The following SAXO3 variants were observed in gnomAD, a reference collection of about 807,000 sequenced individuals.
SAXO3 encodes CTB-60B18.10.
the SAXO3 span, chr19:49,019,757 C>T: frequency 7.4e-6 from 9 of 1,210,132 alleles, no homozygotes; most frequent in East Asian, 1.2e-4. Context: ...GCCCTCGTCT[C>T]GCTGCTCTGG....
At chr19:49,020,305 T>C in the SAXO3 span, 1 of 430,190 alleles carries the variant, frequency 2.3e-6, no homozygotes, top group Admixed American at 4.1e-5. Flanking sequence ...AAGCTCCCAA[T>C]CCGCTTTATT....
the SAXO3 span, chr19:49,018,489 G>C: frequency 2.2e-6 from 1 of 451,712 alleles, no homozygotes. Flanking sequence ...CGCGTTGCCT[G>C]CGTTCCTGGG....
the SAXO3 span, chr19:49,019,473 A>G: frequency 8.1e-7 from 1 of 1,240,456 alleles, no homozygotes; most frequent in Non-Finnish European, 1.0e-6. Context: ...GTGAGTTTGT[A>G]GTCCCTGGTC....
At chr19:49,018,868 C>CT in the SAXO3 span, 1 of 1,533,134 alleles carries the variant, frequency 6.5e-7, no homozygotes, top group Non-Finnish European at 8.7e-7. Flanking sequence ...GAGAGCCCGG[C>CT]TTACTTGGGA....
At chr19:49,019,131 G>T in the SAXO3 span, 2 of 1,427,518 alleles carry the variant, frequency 1.4e-6, no homozygotes, top group Non-Finnish European at 9.1e-7. Flanking sequence ...CTCACACCCC[G>T]CCCCAGGGTT....
chr19:49,018,971 C>T, the SAXO3 span: 110 of 1,533,796 alleles, frequency 7.2e-5, no homozygotes, highest in Admixed American at 2.1e-3. Context: ...GGCCAGACAG[C>T]TCGGGGTTCT....
At chr19:49,018,046 C>T in the SAXO3 span, 1 of 398,718 alleles carries the variant, frequency 2.5e-6, no homozygotes, top group East Asian at 3.6e-5. Flanking sequence ...AGATGCCCCG[C>T]AGGGGCTTCC....
chr19:49,018,285 C>A, the SAXO3 span: 1 of 1,144,704 alleles, frequency 8.7e-7, no homozygotes, highest in South Asian at 4.4e-5. Context: ...TGGGGCGTCT[C>A]TTCGAAGCTC....
chr19:49,019,826 A>G, the SAXO3 span: 3 of 1,266,686 alleles, frequency 2.4e-6, no homozygotes, highest in Non-Finnish European at 2.1e-6. Flanking sequence ...AAGGCGACCC[A>G]GAGACTCACG....
At chr19:49,020,480 G>T in the SAXO3 span, 4 of 398,910 alleles carry the variant, frequency 1.0e-5, no homozygotes, top group African/African-American at 2.1e-5. Flanking sequence ...CGGTTGCAGA[G>T]ATACGACAGC....
At chr19:49,020,420 G>A in the SAXO3 span, 1 of 399,324 alleles carries the variant, frequency 2.5e-6, no homozygotes, top group Non-Finnish European at 4.4e-6. Context: ...TAATGCGGTG[G>A]GAAAAGTAGC....
chr19:49,019,249 A>C, the SAXO3 span: 1 of 1,301,002 alleles, frequency 7.7e-7, no homozygotes, highest in Non-Finnish European at 9.8e-7. Flanking sequence ...TGTTCAAGGA[A>C]CTCAAACCCA....
chr19:49,019,648 T>A, the SAXO3 span: 3 of 1,248,260 alleles, frequency 2.4e-6, no homozygotes, highest in Admixed American at 7.8e-5. Context: ...CCCAGACACC[T>A]GGGAAGGACC....
At chr19:49,019,412 C>T in the SAXO3 span, 4 of 1,259,058 alleles carry the variant, frequency 3.2e-6, no homozygotes, top group Admixed American at 3.9e-5. Flanking sequence ...CTAGTCTCCT[C>T]CCCACCCACA....
the SAXO3 span, chr19:49,019,299 T>G: frequency 1.7e-5 from 21 of 1,229,558 alleles, no homozygotes; most frequent in South Asian, 3.9e-4. Flanking sequence ...GGTTCCGCTC[T>G]GTCTTAAACC....
chr19:49,018,348 A>C, the SAXO3 span: 81 of 1,218,548 alleles, frequency 6.6e-5, 2 homozygotes, highest in South Asian at 1.2e-3. Context: ...GTCCTGTGGG[A>C]GCAGGGCGGG....
At chr19:49,018,090 A>G in the SAXO3 span, 1 of 398,980 alleles carries the variant, frequency 2.5e-6, no homozygotes, top group African/African-American at 2.1e-5. Flanking sequence ...TCCAGCGGGC[A>G]GAAGCGGTCG....
the SAXO3 span, chr19:49,019,902 A>G: frequency 2.1e-5 from 31 of 1,458,894 alleles, no homozygotes; most frequent in African/African-American, 2.8e-5. Context: ...CACTCCCCAA[A>G]CTTTACCTTT....
chr19:49,019,214 C>T, the SAXO3 span: 6 of 1,385,768 alleles, frequency 4.3e-6, no homozygotes, highest in Non-Finnish European at 5.6e-6. Context: ...CCAGCCTCAC[C>T]TCCCTAAATC....
Sources: allele counts gnomAD v4.1 joint callset, GRCh38; gene constraint gnomAD v4.1.1; transcripts MANE v1.5; gene names NCBI Gene and HGNC (gene_info 2026-07-23, HGNC 2026-07-21).